Variants in CDS2 observed in about 807,000 individuals in gnomAD.
CDS2 encodes CDP-diacylglycerol synthase 2.
In CDS2, 47 loss-of-function variants were observed where a neutral mutation model predicts 59.0. The observed-to-expected ratio is 0.80, with a 90% CI of 0.63 to 1.02. The LOEUF is 1.02. CDS2 is among the 50% of genes least tolerant of loss of function. CDS2 has a pLI of 0.00. For missense variants in CDS2, 356 were observed against 558.9 expected (o/e 0.64, Z 3.66); for synonymous variants, 207 against 206.4 (o/e 1.00, Z -0.02).
At chr20:5,170,125 A>T (rs1017707749) in intron 1 of CDS2, among the ~76,000 whole-genome samples, 1 of 152,072 alleles carries the variant, frequency 6.6e-6, no homozygotes, top group Non-Finnish European at 1.5e-5. Flanking sequence ...GCCGCTGAAG[A>T]CCAGAGGATG....
intron 4 of CDS2, among the ~76,000 whole-genome samples, chr20:5,178,027 A>G (rs1479939756): frequency 6.6e-6 from 1 of 152,214 alleles, no homozygotes; most frequent in Non-Finnish European, 1.5e-5. Context: ...AAAGCTCTCC[A>G]CTTTCTTCTC....
chr20:5,150,568 G>A (rs2090780860), intron 1 of CDS2, among the ~76,000 whole-genome samples: 1 of 152,230 alleles, frequency 6.6e-6, no homozygotes, highest in Non-Finnish European at 1.5e-5. Context: ...GTCTCGGAGA[G>A]AAGGGGAGGT....
At chr20:5,139,488 C>T (rs1159504149) in intron 1 of CDS2, among the ~76,000 whole-genome samples, 1 of 152,174 alleles carries the variant, frequency 6.6e-6, no homozygotes, top group Non-Finnish European at 1.5e-5. Flanking sequence ...ATATGTGAGA[C>T]CATGCCATTT....
intron 4 of CDS2, among the ~76,000 whole-genome samples, chr20:5,178,613 C>G (rs1252632324): frequency 6.6e-6 from 1 of 152,064 alleles, no homozygotes; most frequent in Non-Finnish European, 1.5e-5. Flanking sequence ...ATGAAAGCTG[C>G]TGTCTGTTTC....
chr20:5,196,594 T>C lies in CDS2; in HGVS notation c.*6360T>C, dbSNP rs1222229451. 6.6e-6 allele frequency: 1 copy of C among 152,214 alleles called. No homozygotes were observed. Among genetic ancestry groups the C allele is most frequent in the Non-Finnish European group, 1.5e-5 (1 of 68,032 alleles). The allele number at this position is 152,214 out of a possible 1,614,324, so 9.4% of individuals were successfully genotyped here. On this transcript the variant is annotated 3_prime_UTR_variant, in exon 13 of 13. Transcript: ENST00000460006. ...CTGTCCTCGCAGTTTGGATGCCTTT[T>C]TTTGACACCTGCGCTAGGTTCTTGT...
chr20:5,154,505 T>G (rs1402669184), intron 1 of CDS2, among the ~76,000 whole-genome samples: 1 of 152,228 alleles, frequency 6.6e-6, no homozygotes, highest in African/African-American at 2.4e-5. Flanking sequence ...TAGACAAATG[T>G]GCAGTCATTT....
chr20:5,129,093 A>G (rs1426314049), intron 1 of CDS2, among the ~76,000 whole-genome samples: 3 of 152,146 alleles, frequency 2.0e-5, no homozygotes, highest in Admixed American at 6.5e-5. Flanking sequence ...GTGCACTTAT[A>G]TCACTTATAC....
chr20:5,132,931 G>C (rs2090619116), intron 1 of CDS2, among the ~76,000 whole-genome samples: 1 of 152,070 alleles, frequency 6.6e-6, no homozygotes, highest in African/African-American at 2.4e-5. Flanking sequence ...CCAGCACTTT[G>C]GGAGGCTGAG....
intron 6 of CDS2, among the ~76,000 whole-genome samples, 174 bp from the exon 7 acceptor site, chr20:5,182,887 C>T (rs1285646397): frequency 6.6e-6 from 1 of 152,188 alleles, no homozygotes; most frequent in Non-Finnish European, 1.5e-5. Flanking sequence ...CTGTGGGGGA[C>T]AAAGTATTAC....
intron 1 of CDS2, among the ~76,000 whole-genome samples, chr20:5,154,742 G>A (rs190811547): frequency 2.0e-5 from 3 of 152,230 alleles, no homozygotes; most frequent in Admixed American, 2.0e-4. Context: ...CCACCTCCCG[G>A]GCTCAAGAGA....
At chr20:5,128,216 T>A (rs1017109650) in intron 1 of CDS2, 1 of 152,202 alleles carries the variant, frequency 6.6e-6, no homozygotes, top group Non-Finnish European at 1.5e-5. Context: ...GGATCATCGG[T>A]TCCCACCAAT....
intron 1 of CDS2, 24 bp downstream of exon 1, chr20:5,127,173 G>A: frequency 1.4e-6 from 2 of 1,479,698 alleles, no homozygotes. Context: ...CGGGGTGGGC[G>A]CGGCCGGGAC....
intron 7 of CDS2, 95 bp downstream of exon 7, chr20:5,183,238 C>T (rs530915292): frequency 1.3e-4 from 126 of 982,008 alleles, no homozygotes; most frequent in Non-Finnish European, 2.0e-4. Flanking sequence ...CCTTGAGCCA[C>T]ATCAGAATCC....
At chr20:5,151,303 A>G (rs1374014232) in intron 1 of CDS2, among the ~76,000 whole-genome samples, 2 of 152,256 alleles carry the variant, frequency 1.3e-5, no homozygotes, top group African/African-American at 4.8e-5. Flanking sequence ...GTTTGGACAC[A>G]TTAGAGAATA....
intron 1 of CDS2, among the ~76,000 whole-genome samples, chr20:5,154,958 G>A (rs1203974279): frequency 1.3e-5 from 2 of 152,206 alleles, no homozygotes; most frequent in African/African-American, 2.4e-5. Context: ...GATTTGTTCC[G>A]ATTCTGCTTA....
rs188346641 is a variant in CDS2 at position 5,153,244 on chromosome 20, C to G, written c.58-20279C>G. 2.0e-5 allele frequency among the ~76,000 whole-genome samples: 3 copies of G among 152,264 alleles called. No individual in the cohort carries two copies. In the East Asian group the frequency reaches 5.8e-4, roughly 29 times the overall value. ...AGTTTTCTTTTCTGTTTGAGTCTAT[C>G]TTATACTTTTTATGTACACTTTTTA... is the stretch of plus-strand genomic sequence containing the variant. On this transcript the variant is annotated intron_variant, in intron 1 of 12. Transcript: ENST00000460006.
Position 5,186,507 on chromosome 20 carries a change from C to G in CDS2, c.829-180C>G, listed in dbSNP as rs530889700. Among the ~76,000 whole-genome samples the G allele has an allele frequency of 2.4e-4, 37 of 151,644 alleles. 1 individual carries two copies. Among genetic ancestry groups the G allele is most frequent in the Admixed American group, 1.4e-3 (22 of 15,230 alleles). ...TATGTAACCTTGGTGGGTCATGAGC[C>G]TCTTTTTTTTTTTTTAATTGAGGTA... On this transcript the variant is annotated intron_variant, in intron 9 of 12. Coordinates refer to ENST00000460006, the MANE Select transcript of CDS2 (RefSeq NM_003818.4).
At chr20:5,139,734 A>G (rs1344254153) in intron 1 of CDS2, among the ~76,000 whole-genome samples, 1 of 151,244 alleles carries the variant, frequency 6.6e-6, no homozygotes, top group Non-Finnish European at 1.5e-5. Context: ...TTCCTTCTGT[A>G]CTTAATTTAT....
chr20:5,166,259 C>T (rs765815264), intron 1 of CDS2, among the ~76,000 whole-genome samples: 16 of 151,978 alleles, frequency 1.1e-4, no homozygotes, highest in Non-Finnish European at 1.5e-4. Context: ...AGCTTGGTGA[C>T]AGATCTACAA....
Sources: gnomAD v4.1 joint callset for allele counts (sites outside exome capture counted in the v4.1 genomes callset) on GRCh38, gnomAD v4.1.1 for gene constraint, MANE v1.5 for transcripts, NCBI Gene and HGNC (gene_info 2026-07-23, HGNC 2026-07-21) for gene names.